Variants in SMIM35 observed in about 807,000 individuals in gnomAD.
The protein encoded by SMIM35 is TMPRSS4 antisense RNA 1 (non-protein coding).
At chr11:118,063,162 G>C (rs1944418094) in intron 1 of SMIM35, among the ~76,000 whole-genome samples, 1 of 152,220 alleles carries the variant, frequency 6.6e-6, no homozygotes, top group South Asian at 2.1e-4. Flanking sequence ...AGCCCTCGGG[G>C]CTGCTCTGTC....
intron 1 of SMIM35, among the ~76,000 whole-genome samples, chr11:118,025,219 G>A (rs951421917): frequency 3.3e-5 from 5 of 152,162 alleles, no homozygotes. Context: ...GAATAGTGCT[G>A]CAATGAACAT....
At chr11:118,063,956 G>T (rs1376500456) in intron 1 of SMIM35, among the ~76,000 whole-genome samples, 2 of 152,230 alleles carry the variant, frequency 1.3e-5, no homozygotes, top group Non-Finnish European at 2.9e-5. Flanking sequence ...GCAAATGAGG[G>T]AGTTGTGGGA....
At chr11:118,020,687 T>C (rs982436961) in intron 1 of SMIM35, among the ~76,000 whole-genome samples, 1 of 152,228 alleles carries the variant, frequency 6.6e-6, no homozygotes. Flanking sequence ...TTCCATGTAA[T>C]AGTGTTGCTG....
chr11:118,053,546 A>G (rs1269732691), intron 1 of SMIM35, among the ~76,000 whole-genome samples: 1 of 152,166 alleles, frequency 6.6e-6, no homozygotes, highest in Non-Finnish European at 1.5e-5. Context: ...TCCAAACAGC[A>G]GTCCTGAGAA....
intron 4 of SMIM35, among the ~76,000 whole-genome samples, chr11:118,011,419 C>T (rs2058149999): frequency 6.6e-6 from 1 of 152,208 alleles, no homozygotes; most frequent in South Asian, 2.1e-4. Context: ...GGGCCAGGTG[C>T]AGCAGCTGAC....
chr11:118,073,508 A>G (rs1022837459), intron 1 of SMIM35, among the ~76,000 whole-genome samples: 1 of 152,178 alleles, frequency 6.6e-6, no homozygotes, highest in African/African-American at 2.4e-5. Flanking sequence ...AATGTGGTTT[A>G]AAATACATCC....
Position 118,079,779 on chromosome 11 carries a change from G to A in SMIM35, c.7+6972C>T, listed in dbSNP as rs1573581. 4.2e-3 allele frequency among the ~76,000 whole-genome samples: 633 copies of A among 152,312 alleles called. 2 individuals are homozygous for A. The highest frequency in any genetic ancestry group is 0.01 in the Middle Eastern group (3 of 294). ...ACGTGGCAGTCAGGAGCCAGCCTGC[G>A]GGCAGCGGGGTGCTGGGAGCACTGC... is the stretch of plus-strand genomic sequence containing the variant. On this transcript the variant is annotated intron_variant, in intron 1 of 4. Coordinates refer to ENST00000689828, the MANE Select transcript of SMIM35 (RefSeq NM_001394165.1).
At chr11:118,030,184 A>T (rs1438922944) in intron 1 of SMIM35, among the ~76,000 whole-genome samples, 2 of 152,134 alleles carry the variant, frequency 1.3e-5, no homozygotes, top group Non-Finnish European at 2.9e-5. Context: ...ACAGGCATGC[A>T]TCACCACACC....
intron 1 of SMIM35, among the ~76,000 whole-genome samples, chr11:118,048,965 G>A (rs1250611984): frequency 1.0e-2 from 532 of 53,358 alleles, no homozygotes; most frequent in Non-Finnish European, 0.012. Flanking sequence ...AAAAAAAAAA[G>A]CAAGTGAAAA....
chr11:118,030,224 G>T (rs1334465285), intron 1 of SMIM35, among the ~76,000 whole-genome samples: 1 of 152,030 alleles, frequency 6.6e-6, no homozygotes, highest in Non-Finnish European at 1.5e-5. Context: ...TAGTAGAGAT[G>T]GGGTTTCGCC....
intron 1 of SMIM35, among the ~76,000 whole-genome samples, chr11:118,043,741 T>G (rs1591294284): frequency 1.4e-5 from 2 of 142,292 alleles, no homozygotes. Flanking sequence ...ACCCGGGAGG[T>G]GGAGTGAGCC....
chr11:118,039,671 C>T (rs968273105), intron 1 of SMIM35, among the ~76,000 whole-genome samples: 1 of 151,972 alleles, frequency 6.6e-6, no homozygotes, highest in East Asian at 1.9e-4. Flanking sequence ...GACCACACCA[C>T]TGCACTCCAG....
At chr11:118,040,991 TAC>T (rs1234380059) in intron 1 of SMIM35, among the ~76,000 whole-genome samples, 4 of 151,632 alleles carry the variant, frequency 2.6e-5, no homozygotes, top group Admixed American at 1.3e-4. Flanking sequence ...ATAACAATAA[TAC>T]ACAAAAGAGG....
chr11:118,037,857 G>T (rs894934017), intron 1 of SMIM35, among the ~76,000 whole-genome samples: 1 of 152,180 alleles, frequency 6.6e-6, no homozygotes, highest in African/African-American at 2.4e-5. Context: ...CTTTCATCTA[G>T]AAAGAAGCTG....
chr11:118,036,858 T>C (rs2058363117), intron 1 of SMIM35, among the ~76,000 whole-genome samples: 2 of 152,250 alleles, frequency 1.3e-5, no homozygotes, highest in Non-Finnish European at 2.9e-5. Flanking sequence ...AAGGTAGCCA[T>C]TGCTGGCTCG....
intron 1 of SMIM35, among the ~76,000 whole-genome samples, chr11:118,030,197 G>C (rs1297777173): frequency 1.3e-5 from 2 of 152,172 alleles, no homozygotes; most frequent in South Asian, 2.1e-4. Context: ...ACCACACCCA[G>C]CTAATTTTTG....
chr11:118,057,054 C>T (rs1944324932), intron 1 of SMIM35, among the ~76,000 whole-genome samples: 1 of 152,270 alleles, frequency 6.6e-6, no homozygotes, highest in Non-Finnish European at 1.5e-5. Flanking sequence ...AAGGTCTGGC[C>T]ACAGGGCGAG....
At chr11:118,064,874 G>A (rs1285413385) in intron 1 of SMIM35, among the ~76,000 whole-genome samples, 1 of 152,136 alleles carries the variant, frequency 6.6e-6, no homozygotes, top group Non-Finnish European at 1.5e-5. Context: ...CATATTTCTA[G>A]ACTCAAGCGA....
At chr11:118,018,800 A>T (rs541860661) in intron 1 of SMIM35, among the ~76,000 whole-genome samples, 1 of 151,958 alleles carries the variant, frequency 6.6e-6, no homozygotes, top group South Asian at 2.1e-4. Flanking sequence ...CAATTACTCT[A>T]TTTTACCTTT....
Sources: allele counts gnomAD v4.1 joint callset (sites outside exome capture counted in the v4.1 genomes callset), GRCh38; gene constraint gnomAD v4.1.1; transcripts MANE v1.5; gene names NCBI Gene and HGNC (gene_info 2026-07-23, HGNC 2026-07-21).